Variants in SPRY3 observed in about 807,000 individuals in gnomAD.
SPRY3 encodes the protein protein sprouty homolog 3.
In SPRY3, 15 loss-of-function variants were observed where a neutral mutation model predicts 20.2. The observed-to-expected ratio is 0.74, with a 90% CI of 0.50 to 1.14. The LOEUF is 1.14. Among genes scored for constraint, SPRY3 ranks in the 50% most tolerant of loss-of-function variants. The pLI is 0.00. For synonymous variants in SPRY3, 143 were observed against 136.5 expected (o/e 1.05, Z -0.33); for missense variants, 364 against 363.9 (o/e 1.00, Z 0.00).
intron 2 of SPRY3, among the ~76,000 whole-genome samples, chrX:155,714,642 C>T (rs1195199566): frequency 1.3e-5 from 2 of 151,524 alleles, no homozygotes; most frequent in African/African-American, 4.8e-5. Context: ...CTGGGCCTTA[C>T]CCAAGGCCCT....
chrX:155,730,466 G>A (rs1469810917), intron 2 of SPRY3, among the ~76,000 whole-genome samples: 2 of 152,072 alleles, frequency 1.3e-5, no homozygotes, highest in Non-Finnish European at 2.9e-5. Context: ...TGCTGAAAAA[G>A]CATTTGATAA....
At chrX:155,662,666 T>A (rs1332843093) in intron 2 of SPRY3, among the ~76,000 whole-genome samples, 4 of 72,778 alleles carry the variant, frequency 5.5e-5, no homozygotes, top group African/African-American at 2.1e-4. Flanking sequence ...GCTTGCCATG[T>A]GAAAGTGTAG....
chrX:155,629,751 T>C (rs1205015944), intron 1 of SPRY3, among the ~76,000 whole-genome samples: 1 of 112,340 alleles, frequency 8.9e-6, no homozygotes, highest in Non-Finnish European at 1.9e-5. Flanking sequence ...ATTTCTCTGA[T>C]GTTTTGCCCA....
chrX:155,627,202 A>G (rs1208447457), intron 1 of SPRY3, among the ~76,000 whole-genome samples: 1 of 111,419 alleles, frequency 9.0e-6, no homozygotes, highest in Non-Finnish European at 1.9e-5. Context: ...GTAATTTTCT[A>G]TTCTTTAACC....
At chrX:155,654,782 G>A (rs1274441381) in intron 1 of SPRY3, among the ~76,000 whole-genome samples, 1 of 105,775 alleles carries the variant, frequency 9.5e-6, no homozygotes, top group African/African-American at 3.5e-5. Flanking sequence ...GCACACTTAG[G>A]TTGATTCCAT....
At chrX:155,622,267 C>T (rs781859290) in intron 1 of SPRY3, among the ~76,000 whole-genome samples, 2 of 112,268 alleles carry the variant, frequency 1.8e-5, no homozygotes, top group East Asian at 5.6e-4. Context: ...GGCCCTAGGG[C>T]ATGTTTCATC....
intron 1 of SPRY3, among the ~76,000 whole-genome samples, chrX:155,652,531 A>G (rs781905858): frequency 2.0e-4 from 22 of 111,710 alleles, no homozygotes; most frequent in Admixed American, 7.6e-4. Context: ...GCCTTATTTC[A>G]TGTTGCAAAT....
At chrX:155,739,481 G>T (rs747952364) in intron 2 of SPRY3, among the ~76,000 whole-genome samples, 3 of 152,202 alleles carry the variant, frequency 2.0e-5, no homozygotes, top group Admixed American at 6.5e-5. Flanking sequence ...GCTTCTTGAA[G>T]CTGGCCCCTG....
exon 4 of SPRY3, chrX:155,774,011 A>G (rs758680811): frequency 2.4e-5 from 38 of 1,613,858 alleles, no homozygotes; most frequent in East Asian, 2.0e-4. Flanking sequence ...CTTATTGTGC[A>G]AACCCACAAG....
intron 2 of SPRY3, among the ~76,000 whole-genome samples, chrX:155,758,623 T>C (rs113469966): frequency 0.11 from 17,334 of 152,180 alleles, 1,043 homozygotes; most frequent in Non-Finnish European, 0.13. Context: ...TGGCCTCCTA[T>C]AGGAACTTTC....
chrX:155,668,575 A>G (rs1180524280), intron 2 of SPRY3, among the ~76,000 whole-genome samples: 1 of 110,725 alleles, frequency 9.0e-6, no homozygotes, highest in Non-Finnish European at 1.9e-5. Flanking sequence ...TTATGTACTT[A>G]TATCTTAATT....
downstream of SPRY3, chrX:155,777,967 G>A (rs2091439983): frequency 6.0e-6 from 1 of 166,680 alleles, no homozygotes; most frequent in Admixed American, 6.6e-5. Flanking sequence ...CTTACATAGT[G>A]CTTACTATAT....
intron 2 of SPRY3, among the ~76,000 whole-genome samples, chrX:155,685,804 C>T (rs1036864984): frequency 6.3e-5 from 7 of 110,591 alleles, no homozygotes; most frequent in Admixed American, 4.8e-4. Context: ...AGTCTTGCTC[C>T]GTCGCCAGGA....
At chrX:155,644,907 A>C (rs1167589324) in intron 1 of SPRY3, among the ~76,000 whole-genome samples, 5 of 111,153 alleles carry the variant, frequency 4.5e-5, no homozygotes, top group Non-Finnish European at 9.4e-5. Flanking sequence ...CAAGCAGAGG[A>C]ATCACTTCCC....
chrX:155,681,516 A>C (rs2068074124), intron 2 of SPRY3, among the ~76,000 whole-genome samples: 1 of 112,633 alleles, frequency 8.9e-6, no homozygotes, highest in Non-Finnish European at 1.9e-5. Context: ...GCTTGAAGTG[A>C]TTAAGCTTAG....
At chrX:155,726,975 T>C (rs1445992622) in intron 2 of SPRY3, among the ~76,000 whole-genome samples, 1 of 152,122 alleles carries the variant, frequency 6.6e-6, no homozygotes, top group African/African-American at 2.4e-5. Context: ...TTCCTTTCCA[T>C]GTTTAGTGCT....
intron 2 of SPRY3, among the ~76,000 whole-genome samples, chrX:155,745,819 C>G (rs1056240662): frequency 6.6e-6 from 1 of 151,938 alleles, no homozygotes; most frequent in Admixed American, 6.6e-5. Context: ...ATGAGCAAAC[C>G]TAGTAGTGAT....
At chrX:155,692,170 AAATGGGT>A (rs2068104077) in intron 2 of SPRY3, among the ~76,000 whole-genome samples, 1 of 109,712 alleles carries the variant, frequency 9.1e-6, no homozygotes, top group African/African-American at 3.4e-5. Context: ...AGGGAATAGT[AAATGGGT>A]ACAGCTTTAT....
At chrX:155,686,998 A>G (rs1046858675) in intron 2 of SPRY3, among the ~76,000 whole-genome samples, 3 of 112,940 alleles carry the variant, frequency 2.7e-5, no homozygotes, top group African/African-American at 6.4e-5. Context: ...GGGCTGCCAG[A>G]ACAAAAAAAC....
Sources: gnomAD v4.1 joint callset for allele counts (sites outside exome capture counted in the v4.1 genomes callset) on GRCh38, gnomAD v4.1.1 for gene constraint, MANE v1.5 for transcripts, NCBI Gene and HGNC (gene_info 2026-07-23, HGNC 2026-07-21) for gene names.